RBFOX1: variants seen among roughly 807,000 people sequenced by gnomAD.
RBFOX1 encodes the protein RNA binding fox-1 homolog 1.
In RBFOX1, 8 loss-of-function variants were observed where a neutral mutation model predicts 57.7. That is an observed-to-expected ratio of 0.14 (90% CI 0.08 to 0.25). The LOEUF (loss-of-function observed/expected upper bound fraction) is 0.25, where lower values mean the gene tolerates loss of function less well. Among genes scored for constraint, RBFOX1 ranks in the 10% least tolerant of loss-of-function variants. The probability of loss-of-function intolerance (pLI) is 1.00; values close to 1 mark genes in which losing one functional copy is unlikely to be tolerated. For missense variants in RBFOX1, 611 were observed against 548.5 expected (o/e 1.11, Z -1.14); for synonymous variants, 326 against 222.4 (o/e 1.47, Z -4.15).
At chr16:5,907,079 T>C (rs1327418994) in intron 4 of RBFOX1, among the ~76,000 whole-genome samples, 1 of 152,030 alleles carries the variant, frequency 6.6e-6, no homozygotes, top group Non-Finnish European at 1.5e-5. Flanking sequence ...CCTCAGAGGC[T>C]TTAGGGAGGA....
At chr16:6,984,741 T>A (rs1209254252) in intron 3 of RBFOX1, among the ~76,000 whole-genome samples, 2 of 152,078 alleles carry the variant, frequency 1.3e-5, no homozygotes, top group Non-Finnish European at 2.9e-5. Flanking sequence ...CCCAGGTTCA[T>A]GAAATTCTCC....
At chr16:6,702,149 G>C (rs2061952046) in intron 3 of RBFOX1, among the ~76,000 whole-genome samples, 1 of 152,150 alleles carries the variant, frequency 6.6e-6, no homozygotes, top group African/African-American at 2.4e-5. Flanking sequence ...AGCAGGGACG[G>C]AACCAAGCCG....
At chr16:5,427,460 C>G (rs1006042460) in intron 1 of RBFOX1, among the ~76,000 whole-genome samples, 7 of 152,122 alleles carry the variant, frequency 4.6e-5, no homozygotes, top group African/African-American at 1.7e-4. Flanking sequence ...TGGCACGTGC[C>G]TGTAACCCCA....
At chr16:7,453,854 T>C (rs949988674) in intron 4 of RBFOX1, among the ~76,000 whole-genome samples, 3 of 152,158 alleles carry the variant, frequency 2.0e-5, no homozygotes, top group Non-Finnish European at 4.4e-5. Context: ...TCATGTCCTC[T>C]AAACAGAGTC....
At chr16:7,029,570 G>A (rs538622136) in intron 3 of RBFOX1, among the ~76,000 whole-genome samples, 35 of 152,156 alleles carry the variant, frequency 2.3e-4, no homozygotes, top group African/African-American at 8.4e-4. Context: ...TCTCCAAACA[G>A]GAGAGTAACT....
At chr16:5,932,543 G>A (rs2059083833) in intron 4 of RBFOX1, among the ~76,000 whole-genome samples, 1 of 152,210 alleles carries the variant, frequency 6.6e-6, no homozygotes, top group African/African-American at 2.4e-5. Context: ...GAGCGAATGA[G>A]TGAGTGTTGT....
intron 3 of RBFOX1, among the ~76,000 whole-genome samples, chr16:6,666,461 A>T (rs2098733369): frequency 6.7e-6 from 1 of 149,974 alleles, no homozygotes; most frequent in Non-Finnish European, 1.5e-5. Flanking sequence ...AATCACTTGA[A>T]CCTGGAAGGC....
At chr16:6,077,483 C>G (rs2095921787) in intron 1 of RBFOX1, among the ~76,000 whole-genome samples, 1 of 152,044 alleles carries the variant, frequency 6.6e-6, no homozygotes, top group South Asian at 2.1e-4. Flanking sequence ...AGAAAATCAC[C>G]CATGACCACC....
chr16:5,705,228 C>A (rs2051198417), intron 3 of RBFOX1, among the ~76,000 whole-genome samples: 1 of 152,170 alleles, frequency 6.6e-6, no homozygotes, highest in African/African-American at 2.4e-5. Context: ...CCAAAACCAG[C>A]ACCATCCATG....
At chr16:7,511,354 G>C (rs1414541734) in intron 4 of RBFOX1, among the ~76,000 whole-genome samples, 2 of 152,038 alleles carry the variant, frequency 1.3e-5, no homozygotes, top group Non-Finnish European at 2.9e-5. Context: ...GCAATGTCTT[G>C]GGGAAAAAAC....
chr16:5,635,192 A>G (rs1315238719), intron 3 of RBFOX1, among the ~76,000 whole-genome samples: 1 of 152,222 alleles, frequency 6.6e-6, no homozygotes, highest in African/African-American at 2.4e-5. Flanking sequence ...TTAAAAGAAA[A>G]TCTGTTTGTA....
At chr16:6,885,249 C>T (rs2063752442) in intron 3 of RBFOX1, among the ~76,000 whole-genome samples, 1 of 152,172 alleles carries the variant, frequency 6.6e-6, no homozygotes, top group Non-Finnish European at 1.5e-5. Flanking sequence ...TCCAGTCCAG[C>T]AGCGTCAGCA....
intron 2 of RBFOX1, among the ~76,000 whole-genome samples, chr16:6,588,311 A>G (rs948367479): frequency 2.0e-5 from 3 of 152,026 alleles, no homozygotes; most frequent in Non-Finnish European, 4.4e-5. Flanking sequence ...TAACTGGAAC[A>G]TGCATCGCAC....
intron 4 of RBFOX1, among the ~76,000 whole-genome samples, chr16:7,496,977 C>A (rs1341627361): frequency 6.6e-6 from 1 of 152,070 alleles, no homozygotes; most frequent in Non-Finnish European, 1.5e-5. Context: ...TTCTCTGTCT[C>A]CACTTGGCTT....
intron 4 of RBFOX1, among the ~76,000 whole-genome samples, chr16:7,412,412 CAAA>C (rs376200574): frequency 1.5e-5 from 2 of 132,222 alleles, no homozygotes. Context: ...GACATTCTGC[CAAA>C]AAAAAAAAAA....
At chr16:7,168,930 G>C (rs1470703164) in intron 4 of RBFOX1, among the ~76,000 whole-genome samples, 2 of 152,096 alleles carry the variant, frequency 1.3e-5, no homozygotes, top group African/African-American at 2.4e-5. Context: ...TATTTTTAAA[G>C]GTTTGTGATG....
At chr16:7,203,210 C>G (rs974868403) in intron 4 of RBFOX1, among the ~76,000 whole-genome samples, 1 of 152,126 alleles carries the variant, frequency 6.6e-6, no homozygotes, top group Non-Finnish European at 1.5e-5. Flanking sequence ...ATTATTCAAC[C>G]TTAGAAGGGA....
At chr16:5,699,723 A>G (rs1342844617) in intron 3 of RBFOX1, among the ~76,000 whole-genome samples, 1 of 152,200 alleles carries the variant, frequency 6.6e-6, no homozygotes, top group African/African-American at 2.4e-5. Flanking sequence ...ACAGCTCTTC[A>G]TTGTACAAAA....
chr16:7,433,013 T>C (rs1380239343), intron 4 of RBFOX1, among the ~76,000 whole-genome samples: 2 of 152,212 alleles, frequency 1.3e-5, no homozygotes, highest in Non-Finnish European at 2.9e-5. Context: ...TTATATCTTG[T>C]AGCCCCCAGC....
Sources: allele counts gnomAD v4.1 joint callset (sites outside exome capture counted in the v4.1 genomes callset), GRCh38; gene constraint gnomAD v4.1.1; transcripts MANE v1.5; gene names NCBI Gene and HGNC (gene_info 2026-07-23, HGNC 2026-07-21).